The following ATXN1 variants were observed in gnomAD, a reference collection of about 807,000 sequenced individuals.
The protein encoded by ATXN1 is ataxin-1.
ATXN1 carries 8 observed loss-of-function variants against 56.4 expected under a neutral mutation model. The ratio of observed to expected loss-of-function variants is 0.14; its 90% CI spans 0.08 to 0.26. ATXN1 has a LOEUF of 0.26. Ranked by LOEUF, ATXN1 falls within the 10% of genes least tolerant of loss-of-function variation. The pLI, the probability that ATXN1 is intolerant of heterozygous loss-of-function variation, is 1.00. For missense variants in ATXN1, 987 were observed against 1,106.5 expected, an observed-to-expected ratio of 0.89 and a Z score of 1.53; for synonymous variants, 514 against 494.6, an observed-to-expected ratio of 1.04 and a Z score of -0.52.
intron 6 of ATXN1, among the ~76,000 whole-genome samples, chr6:16,478,211 A>AC (rs1760367592): frequency 6.6e-6 from 1 of 151,990 alleles, no homozygotes; most frequent in African/African-American, 2.4e-5. Context: ...TTGACACACT[A>AC]CCCTTTCATC....
chr6:16,759,279 C>A (rs868225054), intron 1 of ATXN1, among the ~76,000 whole-genome samples: 1 of 152,248 alleles, frequency 6.6e-6, no homozygotes, highest in East Asian at 1.9e-4. Context: ...TACACACATT[C>A]CCGTGCATGC....
At chr6:16,502,602 C>G (rs936902992) in intron 5 of ATXN1, among the ~76,000 whole-genome samples, 38 of 152,180 alleles carry the variant, frequency 2.5e-4, no homozygotes, top group African/African-American at 8.4e-4. Flanking sequence ...ATACAATTAA[C>G]TGCTATTTCC....
chr6:16,523,322 T>C (rs555002241), intron 4 of ATXN1, among the ~76,000 whole-genome samples: 3 of 152,236 alleles, frequency 2.0e-5, no homozygotes, highest in South Asian at 2.1e-4. Context: ...CACGTGCACA[T>C]GGCTGTGAGT....
At chr6:16,592,811 A>G (rs961107166) in intron 3 of ATXN1, among the ~76,000 whole-genome samples, 2 of 145,876 alleles carry the variant, frequency 1.4e-5, no homozygotes, top group South Asian at 2.3e-4. Flanking sequence ...GAGTGAAAGA[A>G]CAAAGCTTCC....
chr6:16,331,103 C>T (rs895165053), intron 6 of ATXN1, among the ~76,000 whole-genome samples: 5 of 152,172 alleles, frequency 3.3e-5, no homozygotes, highest in Non-Finnish European at 5.9e-5. Flanking sequence ...CGGGTTCAAG[C>T]GATTCTCCTG....
intron 3 of ATXN1, among the ~76,000 whole-genome samples, chr6:16,616,951 A>G (rs1415610179): frequency 6.6e-6 from 1 of 151,810 alleles, no homozygotes; most frequent in East Asian, 1.9e-4. Context: ...ATATTTTTAT[A>G]TAAGTATTTT....
At chr6:16,333,393 T>C (rs745499518) in intron 6 of ATXN1, among the ~76,000 whole-genome samples, 3 of 152,194 alleles carry the variant, frequency 2.0e-5, no homozygotes, top group Non-Finnish European at 4.4e-5. Flanking sequence ...TGGGAAGTGA[T>C]AGGAAAATGA....
intron 5 of ATXN1, among the ~76,000 whole-genome samples, chr6:16,507,818 A>AT (rs1239122641): frequency 6.6e-6 from 1 of 152,196 alleles, no homozygotes; most frequent in Non-Finnish European, 1.5e-5. Flanking sequence ...ACTAGTAATT[A>AT]TTCTTGGAAG....
chr6:16,484,561 A>G (rs1033413328), intron 6 of ATXN1, among the ~76,000 whole-genome samples: 1 of 152,206 alleles, frequency 6.6e-6, no homozygotes, highest in Non-Finnish European at 1.5e-5. Context: ...TAGGAATAGG[A>G]TTCAGGTCAG....
chr6:16,344,522 C>A (rs1045056655), intron 6 of ATXN1, among the ~76,000 whole-genome samples: 1 of 152,196 alleles, frequency 6.6e-6, no homozygotes, highest in Admixed American at 6.5e-5. Flanking sequence ...AGTCTTCTGG[C>A]CTTCATCTTT....
At chr6:16,476,183 G>A (rs890198286) in intron 6 of ATXN1, among the ~76,000 whole-genome samples, 2 of 152,034 alleles carry the variant, frequency 1.3e-5, no homozygotes, top group African/African-American at 4.8e-5. Context: ...TTTGATTAAC[G>A]CCTACCCCTG....
chr6:16,348,656 T>C (rs1050050761), intron 6 of ATXN1, among the ~76,000 whole-genome samples: 5 of 151,902 alleles, frequency 3.3e-5, no homozygotes, highest in East Asian at 3.9e-4. Context: ...GATTGTACCA[T>C]TGCACTCTAG....
intron 3 of ATXN1, among the ~76,000 whole-genome samples, chr6:16,606,309 G>T (rs569425476): frequency 6.6e-6 from 1 of 152,246 alleles, no homozygotes; most frequent in African/African-American, 2.4e-5. Flanking sequence ...TGCTAAGAAA[G>T]CCTCACCTGC....
rs1760207515 is a variant in ATXN1 at position 16,304,989 on chromosome 6, G to C, written c.*1340C>G. On this transcript the variant is annotated 3_prime_UTR_variant, in exon 8 of 8. Coordinates refer to ENST00000436367, the MANE Select transcript of ATXN1 (RefSeq NM_001128164.2). ...GGTGGTCATTTATTGTCACATACTA[G>C]TTCATAATTCACATTCATCCCTTTA... 6.6e-6 allele frequency: 1 copy of C among 152,536 alleles called. No individual in the cohort carries two copies. Among genetic ancestry groups the C allele is most frequent in the Non-Finnish European group, 1.5e-5 (1 of 68,016 alleles). The allele number at this position is 152,536 out of a possible 1,614,324, so 9.4% of individuals were successfully genotyped here. A position where few individuals can be genotyped will look rare whatever the true frequency, so the allele number is the denominator to read the frequency against.
At chr6:16,611,082 T>C (rs1004684110) in intron 3 of ATXN1, among the ~76,000 whole-genome samples, 1 of 152,088 alleles carries the variant, frequency 6.6e-6, no homozygotes, top group African/African-American at 2.4e-5. Flanking sequence ...CAACTGAATA[T>C]CGTTATAAAA....
chr6:16,748,832 C>T (rs997355748), intron 2 of ATXN1, among the ~76,000 whole-genome samples: 12 of 151,938 alleles, frequency 7.9e-5, no homozygotes, highest in African/African-American at 2.7e-4. Context: ...AGAGCCCATC[C>T]TAACTAACTC....
chr6:16,325,782 G>C (rs546281720), intron 7 of ATXN1, among the ~76,000 whole-genome samples: 1 of 152,100 alleles, frequency 6.6e-6, no homozygotes, highest in African/African-American at 2.4e-5. Flanking sequence ...GTTGGAGACC[G>C]GGCCTTGCTA....
chr6:16,478,055 C>T (rs1760362464), intron 6 of ATXN1, among the ~76,000 whole-genome samples: 1 of 152,200 alleles, frequency 6.6e-6, no homozygotes. Flanking sequence ...CAACTGGCGT[C>T]ACTGCGGAGG....
At chr6:16,517,613 C>T (rs1422922651) in intron 5 of ATXN1, among the ~76,000 whole-genome samples, 2 of 152,024 alleles carry the variant, frequency 1.3e-5, no homozygotes, top group Non-Finnish European at 2.9e-5. Context: ...CATTTGCAAT[C>T]TAGTAAGGGT....
Sources: gnomAD v4.1 joint callset for allele counts (sites outside exome capture counted in the v4.1 genomes callset) on GRCh38, gnomAD v4.1.1 for gene constraint, MANE v1.5 for transcripts, NCBI Gene and HGNC (gene_info 2026-07-23, HGNC 2026-07-21) for gene names.